DSCAM: variants seen among roughly 807,000 people sequenced by gnomAD.
DSCAM encodes DS cell adhesion molecule.
In DSCAM, 47 loss-of-function variants were observed where a neutral mutation model predicts 217.7. The observed-to-expected ratio is 0.22, with a 90% CI of 0.17 to 0.28. The LOEUF is 0.28. DSCAM is among the 10% of genes least tolerant of loss of function. DSCAM has a pLI of 1.00. For missense variants in DSCAM, 2,080 were observed against 2,618.3 expected (o/e 0.79, Z 4.49); for synonymous variants, 1,056 against 1,015.3 (o/e 1.04, Z -0.76).
Position 40,489,754 on chromosome 21 carries a change from G to A in DSCAM, c.509-120509C>T, listed in dbSNP as rs868569077. On this transcript the variant is annotated intron_variant, in intron 3 of 32. Transcript: ENST00000400454. ...CCCGCCACTGCACTCCAGCCTGGGC[G>A]ACAGGGCGAGACTCCGTCTCAAAAA... is the stretch of plus-strand genomic sequence containing the variant. Among the ~76,000 whole-genome samples the A allele has an allele frequency of 6.6e-3, 760 of 115,574 alleles. 6 individuals are homozygous for A. Among genetic ancestry groups the A allele is most frequent in the African/African-American group, 0.024 (716 of 29,404 alleles). 75.8% of individuals were successfully genotyped at this position (115,574 alleles called of 152,430 possible).
chr21:40,464,659 G>C (rs868349186), intron 3 of DSCAM, among the ~76,000 whole-genome samples: 3 of 151,884 alleles, frequency 2.0e-5, no homozygotes, highest in Non-Finnish European at 4.4e-5. Flanking sequence ...ATCTTTGAAA[G>C]AGCCACCCTG....
intron 3 of DSCAM, among the ~76,000 whole-genome samples, chr21:40,603,975 C>G (rs1012972209): frequency 5.3e-5 from 6 of 113,230 alleles, no homozygotes; most frequent in African/African-American, 2.1e-4. Context: ...GGTTTAGTGT[C>G]TATCATTAAT....
In DSCAM at chr21:40,708,512, A is replaced by T. The variant is rs1490772490; in HGVS notation, c.303T>A (p.Tyr101Ter). Residue 101 changes from tyrosine (Y) to a stop codon, truncating the protein, a stop_gained, in exon 2 of 33, where the codon TAT becomes TAA. Transcript: ENST00000400454. LOFTEE classifies it high-confidence loss of function. The part of the protein sequence containing the change: ...FSTLIHDNTY[Y>*]CTAENPSGKI... ...TCCCTGAAGGATTTTCAGCTGTGCA[A>T]TAATAAGTATTATCATGGATTAAGG... 1 of 1,537,578 alleles carries T rather than the reference A, an allele frequency of 6.5e-7. No homozygotes were observed. The highest frequency in any genetic ancestry group is 8.8e-7 in the Non-Finnish European group (1 of 1,138,152).
intron 3 of DSCAM, among the ~76,000 whole-genome samples, chr21:40,527,292 T>C (rs767592373): frequency 3.9e-5 from 6 of 152,192 alleles, no homozygotes; most frequent in Non-Finnish European, 8.8e-5. Context: ...CAACTCCTCC[T>C]ATCAAGTCCC....
intron 3 of DSCAM, among the ~76,000 whole-genome samples, chr21:40,380,102 C>A (rs896008161): frequency 2.6e-5 from 4 of 152,136 alleles, no homozygotes; most frequent in African/African-American, 9.7e-5. Context: ...AAATAAAATT[C>A]TCTCAGTGAA....
chr21:40,476,021 G>A (rs926194171), intron 3 of DSCAM, among the ~76,000 whole-genome samples: 2 of 152,086 alleles, frequency 1.3e-5, no homozygotes, highest in Non-Finnish European at 2.9e-5. Flanking sequence ...ATCTTTGGGT[G>A]GGTGCTTCAC....
intron 3 of DSCAM, among the ~76,000 whole-genome samples, chr21:40,692,580 C>T (rs938572836): frequency 4.6e-5 from 7 of 152,142 alleles, no homozygotes; most frequent in Admixed American, 3.9e-4. Flanking sequence ...AGTTACAGTG[C>T]CGGTAACTAA....
chr21:40,806,272 A>G (rs2091786351), intron 1 of DSCAM, among the ~76,000 whole-genome samples: 1 of 152,074 alleles, frequency 6.6e-6, no homozygotes, highest in African/African-American at 2.4e-5. Context: ...GCCATTATTG[A>G]CGTGATTGCT....
At chr21:40,062,180 G>A (rs1033497152) in intron 28 of DSCAM, among the ~76,000 whole-genome samples, 1 of 152,226 alleles carries the variant, frequency 6.6e-6, no homozygotes, top group Admixed American at 6.5e-5. Flanking sequence ...ACTTGTCACA[G>A]CTTTGCCAAT....
intron 3 of DSCAM, among the ~76,000 whole-genome samples, chr21:40,567,346 A>G (rs1477670635): frequency 6.6e-6 from 1 of 152,218 alleles, no homozygotes; most frequent in Non-Finnish European, 1.5e-5. Flanking sequence ...CCTTGCTAAG[A>G]CGAAGGAAAT....
At chr21:40,477,401 T>A (rs993506573) in intron 3 of DSCAM, among the ~76,000 whole-genome samples, 1 of 152,122 alleles carries the variant, frequency 6.6e-6, no homozygotes, top group Non-Finnish European at 1.5e-5. Context: ...AAGAAAACGG[T>A]ATTTTTTCTG....
intron 3 of DSCAM, among the ~76,000 whole-genome samples, chr21:40,651,967 C>A (rs2090019509): frequency 6.6e-6 from 1 of 152,164 alleles, no homozygotes; most frequent in South Asian, 2.1e-4. Context: ...CCACCTTTTT[C>A]TCTGCTGGCC....
chr21:40,153,633 C>T (rs1165120287), intron 16 of DSCAM, among the ~76,000 whole-genome samples: 1 of 152,124 alleles, frequency 6.6e-6, no homozygotes, highest in Non-Finnish European at 1.5e-5. Flanking sequence ...GGTGCGCTAC[C>T]AGCAACATCC....
chr21:40,821,449 C>T (rs934212556), intron 1 of DSCAM, among the ~76,000 whole-genome samples: 1 of 151,970 alleles, frequency 6.6e-6, no homozygotes, highest in Non-Finnish European at 1.5e-5. Flanking sequence ...GCCTAGCCCT[C>T]TTCTCAAACT....
chr21:40,792,000 C>G (rs1474400505), intron 1 of DSCAM, among the ~76,000 whole-genome samples: 1 of 152,046 alleles, frequency 6.6e-6, no homozygotes, highest in African/African-American at 2.4e-5. Flanking sequence ...TCTCACAGTT[C>G]TGGAGGCTAG....
chr21:40,325,660 C>T (rs1048076678), intron 8 of DSCAM, among the ~76,000 whole-genome samples: 2 of 152,130 alleles, frequency 1.3e-5, no homozygotes, highest in Admixed American at 6.5e-5. Flanking sequence ...CCTCAGACAT[C>T]TCCTGAGAGT....
At chr21:40,174,597 C>A (rs2090702106) in intron 15 of DSCAM, among the ~76,000 whole-genome samples, 1 of 150,518 alleles carries the variant, frequency 6.6e-6, no homozygotes, top group Non-Finnish European at 1.5e-5. Context: ...AAGTTTGGCT[C>A]ACCGACTGTA....
At chr21:40,551,936 G>C (rs978674142) in intron 3 of DSCAM, among the ~76,000 whole-genome samples, 3 of 152,152 alleles carry the variant, frequency 2.0e-5, no homozygotes, top group African/African-American at 7.2e-5. Flanking sequence ...TGTCCATTCA[G>C]TCAGCTGGGG....
At chr21:40,818,285 G>A (rs1006833762) in intron 1 of DSCAM, among the ~76,000 whole-genome samples, 6 of 151,324 alleles carry the variant, frequency 4.0e-5, no homozygotes, top group Non-Finnish European at 7.4e-5. Flanking sequence ...AGTGGCTCAC[G>A]CCTGTAATCC....
Sources: gnomAD v4.1 joint callset for allele counts (sites outside exome capture counted in the v4.1 genomes callset) on GRCh38, gnomAD v4.1.1 for gene constraint, MANE v1.5 for transcripts, NCBI Gene and HGNC (gene_info 2026-07-23, HGNC 2026-07-21) for gene names.